Variants in CDC42SE2 observed in about 807,000 individuals in gnomAD.
CDC42SE2 encodes the protein CDC42 small effector 2, also known as CDC42 small effector protein 2.
Under a neutral mutation model 11.5 loss-of-function variants are expected in CDC42SE2, and 3 were observed. The observed-to-expected ratio is 0.26, with a 90% CI of 0.12 to 0.67. CDC42SE2 has a LOEUF of 0.67. CDC42SE2 is among the 30% of genes least tolerant of loss of function. The probability of loss-of-function intolerance (pLI) is 0.80; values close to 1 mark genes in which losing one functional copy is unlikely to be tolerated. For missense variants in CDC42SE2, 82 were observed against 106.8 expected (o/e 0.77, Z 1.02); for synonymous variants, 33 against 34.8 (o/e 0.95, Z 0.18).
intron 1 of CDC42SE2, among the ~76,000 whole-genome samples, chr5:131,276,036 G>T (rs1757093275): frequency 1.3e-5 from 2 of 151,860 alleles, no homozygotes; most frequent in Admixed American, 1.3e-4. Flanking sequence ...TGATAGTTGG[G>T]AAATGAAAGT....
At chr5:131,333,309 T>TTA (rs1758467515) in intron 2 of CDC42SE2, among the ~76,000 whole-genome samples, 1 of 152,236 alleles carries the variant, frequency 6.6e-6, no homozygotes, top group Non-Finnish European at 1.5e-5. Flanking sequence ...AGGGCTCTGC[T>TTA]CTGTTCCATT....
intron 2 of CDC42SE2, among the ~76,000 whole-genome samples, chr5:131,329,030 A>T (rs948984586): frequency 1.3e-5 from 2 of 152,154 alleles, no homozygotes; most frequent in Non-Finnish European, 2.9e-5. Flanking sequence ...GGGCACAGAG[A>T]GGGGCGGGAA....
At chr5:131,347,341 C>G (rs948220069) in intron 2 of CDC42SE2, among the ~76,000 whole-genome samples, 1 of 152,096 alleles carries the variant, frequency 6.6e-6, no homozygotes, top group Non-Finnish European at 1.5e-5. Flanking sequence ...CACAGAAATA[C>G]AGACTACCAT....
intron 2 of CDC42SE2, among the ~76,000 whole-genome samples, chr5:131,337,926 C>T (rs1177603667): frequency 6.6e-6 from 1 of 152,238 alleles, no homozygotes; most frequent in Non-Finnish European, 1.5e-5. Context: ...CGGGGTGAGG[C>T]GATGCCTCGC....
At chr5:131,319,105 A>G (rs1436767420) in intron 2 of CDC42SE2, among the ~76,000 whole-genome samples, 1 of 152,048 alleles carries the variant, frequency 6.6e-6, no homozygotes, top group Non-Finnish European at 1.5e-5. Flanking sequence ...GGGTTTCACC[A>G]TGTTGACCAG....
At chr5:131,281,815 G>A (rs180838609) in intron 1 of CDC42SE2, among the ~76,000 whole-genome samples, 142 of 152,262 alleles carry the variant, frequency 9.3e-4, no homozygotes, top group Admixed American at 3.3e-3. Context: ...TATTTGCTGC[G>A]TGGCAAGTTC....
rs550297354 is a variant in CDC42SE2 at position 131,327,026 on chromosome 5, T to C, written c.-286+10882T>C. On this transcript the variant is annotated intron_variant, in intron 2 of 4. Transcript: ENST00000505065. ...TCATTTTTTAACCTGGCATAAAAAA[T>C]GTTTTATACTAATTTGTCTTTAAAT... Among the ~76,000 whole-genome samples the C allele has an allele frequency of 3.3e-5, 5 of 152,350 alleles. No homozygotes were observed. In the East Asian group the frequency reaches 9.6e-4, roughly 29 times the overall value.
At chr5:131,336,173 A>G (rs1302993326) in intron 2 of CDC42SE2, among the ~76,000 whole-genome samples, 3 of 152,206 alleles carry the variant, frequency 2.0e-5, no homozygotes, top group East Asian at 1.9e-4. Flanking sequence ...GGTGGTGACA[A>G]AATCTCTCAG....
At chr5:131,327,736 G>T (rs1758326356) in intron 2 of CDC42SE2, among the ~76,000 whole-genome samples, 1 of 152,116 alleles carries the variant, frequency 6.6e-6, no homozygotes, top group African/African-American at 2.4e-5. Context: ...ATCTCATTTA[G>T]TGTTAATGTT....
At chr5:131,348,367 A>G (rs1216862023) in intron 2 of CDC42SE2, among the ~76,000 whole-genome samples, 1 of 152,222 alleles carries the variant, frequency 6.6e-6, no homozygotes, top group African/African-American at 2.4e-5. Flanking sequence ...AGAGAGCCAA[A>G]TCATGAGTGA....
At chr5:131,259,155 T>A (rs1756703539), upstream of CDC42SE2, among the ~76,000 whole-genome samples, 1 of 152,230 alleles carries the variant, frequency 6.6e-6, no homozygotes, top group South Asian at 2.1e-4. Context: ...ATATGTCTCA[T>A]TACCTTATTG....
intron 1 of CDC42SE2, among the ~76,000 whole-genome samples, chr5:131,302,036 T>G (rs1757694000): frequency 6.6e-6 from 1 of 152,124 alleles, no homozygotes; most frequent in African/African-American, 2.4e-5. Context: ...AGACAGGGTC[T>G]TACTCTCTTG....
At chr5:131,248,142 T>A (rs2149682468) in intron 1 of CDC42SE2, among the ~76,000 whole-genome samples, 1 of 152,174 alleles carries the variant, frequency 6.6e-6, no homozygotes, top group East Asian at 1.9e-4. Context: ...TTTTTATTTT[T>A]TTATTATTAT....
chr5:131,333,122 T>A (rs1758462278), intron 2 of CDC42SE2, among the ~76,000 whole-genome samples: 1 of 152,228 alleles, frequency 6.6e-6, no homozygotes, highest in East Asian at 1.9e-4. Context: ...AAGTCTTTAA[T>A]CCATCTTGAA....
chr5:131,243,087 A>G (rs1756553307), upstream of CDC42SE2, among the ~76,000 whole-genome samples: 1 of 152,174 alleles, frequency 6.6e-6, no homozygotes, highest in Non-Finnish European at 1.5e-5. Context: ...TCTTTGAGTA[A>G]TCTTATGACT....
intron 1 of CDC42SE2, among the ~76,000 whole-genome samples, chr5:131,312,569 C>G (rs1278534026): frequency 2.0e-5 from 3 of 152,216 alleles, no homozygotes; most frequent in African/African-American, 4.8e-5. Context: ...TGATCTCAGT[C>G]TGCTGTGCTA....
intron 2 of CDC42SE2, among the ~76,000 whole-genome samples, chr5:131,350,966 G>A (rs930845975): frequency 6.6e-6 from 1 of 151,130 alleles, no homozygotes; most frequent in African/African-American, 2.5e-5. Flanking sequence ...TTTATTTTTA[G>A]AGAGGGTCTC....
chr5:131,327,036 T>C (rs1429020513), intron 2 of CDC42SE2, among the ~76,000 whole-genome samples: 1 of 152,248 alleles, frequency 6.6e-6, no homozygotes, highest in Admixed American at 6.5e-5. Context: ...TGTTTTATAC[T>C]AATTTGTCTT....
intron 2 of CDC42SE2, among the ~76,000 whole-genome samples, chr5:131,341,223 G>A (rs1040638697): frequency 3.9e-5 from 6 of 152,082 alleles, no homozygotes; most frequent in Admixed American, 3.9e-4. Flanking sequence ...GATGAAAAAG[G>A]ACCAAACCAA....
Sources: gnomAD v4.1 joint callset for allele counts (sites outside exome capture counted in the v4.1 genomes callset) on GRCh38, gnomAD v4.1.1 for gene constraint, MANE v1.5 for transcripts, NCBI Gene and HGNC (gene_info 2026-07-23, HGNC 2026-07-21) for gene names.